The following ADGRG5 variants were observed in gnomAD, a reference collection of about 807,000 sequenced individuals.
ADGRG5 encodes the protein adhesion G protein-coupled receptor G5, also known as G protein-coupled receptor 114.
In ADGRG5, 37 loss-of-function variants were observed where a neutral mutation model predicts 53.2. That is an observed-to-expected ratio of 0.70 (90% confidence interval 0.53 to 0.91). The LOEUF is 0.91. Among genes scored for constraint, ADGRG5 ranks in the 40% least tolerant of loss-of-function variants. The pLI, the probability that ADGRG5 is intolerant of heterozygous loss-of-function variation, is 0.00. For missense variants in ADGRG5, 614 were observed against 675.8 expected (o/e 0.91, Z 1.01); for synonymous variants, 277 against 290.4 (o/e 0.95, Z 0.47).
intron 1 of ADGRG5, among the ~76,000 whole-genome samples, chr16:57,550,967 G>A (rs1231001594): frequency 6.6e-6 from 1 of 152,210 alleles, no homozygotes; most frequent in African/African-American, 2.4e-5. Context: ...GGTGGAGGCG[G>A]AGGTTGCAGT....
Position 57,568,140 on chromosome 16 carries a change from C to G in ADGRG5, c.1090+16C>G. 1.2e-6 allele frequency: 2 copies of G among 1,611,542 alleles called. No individual in the cohort carries two copies. Among genetic ancestry groups the G allele is most frequent in the Non-Finnish European group, 1.7e-6 (2 of 1,178,040 alleles). On this transcript the variant is annotated intron_variant, in intron 9 of 11. Transcript: ENST00000349457. Reference sequence around the variant, plus strand: ...CTAGGCTGGGGTAAGCACATCATCTCTCCTCGCCTCCTCAGACTTCCAGGT... The same window carrying G: ...CTAGGCTGGGGTAAGCACATCATCTGTCCTCGCCTCCTCAGACTTCCAGGT...
At chr16:57,568,204 TC>T in intron 9 of ADGRG5, 80 bp downstream of exon 9, 1 of 1,430,836 alleles carries the variant, frequency 7.0e-7, no homozygotes, top group Non-Finnish European at 9.7e-7. Context: ...TTCTTTCCCC[TC>T]CTCCTCATCG....
At chr16:57,534,068 T>C in the ADGRG5 span, among the ~76,000 whole-genome samples, 1 of 152,170 alleles carries the variant, frequency 6.6e-6, no homozygotes, top group Non-Finnish European at 1.5e-5. Flanking sequence ...TGGGTTTGTA[T>C]TCCAAATGCC....
At chr16:57,546,812 G>A (rs562527809) in intron 1 of ADGRG5, among the ~76,000 whole-genome samples, 24 of 152,074 alleles carry the variant, frequency 1.6e-4, no homozygotes, top group South Asian at 4.1e-4. Context: ...TCAACCTCCC[G>A]GGCTCAAGTG....
At position 57,561,948 on chromosome 16, in the gene ADGRG5, T is replaced by A. The variant is rs574203777; in HGVS notation, c.-38-108T>A. ...CTTCCTCATCTGTGAAATGCAGGAGTGGTGAGTCAAATAAGATGCTGCATG... is the reference window on the plus strand; with the variant it reads ...CTTCCTCATCTGTGAAATGCAGGAGAGGTGAGTCAAATAAGATGCTGCATG... On this transcript the variant is annotated intron_variant, in intron 1 of 11. Transcript: ENST00000349457. 12 of 536,778 alleles carry A rather than the reference T, an allele frequency of 2.2e-5. No individual in the cohort carries two copies. The East Asian group carries it at 3.0e-4, about 14-fold the overall frequency. 33.3% of individuals were successfully genotyped at this position (536,778 alleles called of 1,614,324 possible).
intron 10 of ADGRG5, among the ~76,000 whole-genome samples, chr16:57,570,773 C>A (rs539568326): frequency 1.3e-5 from 2 of 152,342 alleles, no homozygotes; most frequent in Admixed American, 6.5e-5. Context: ...AGCGTCTGCT[C>A]GCCAACCTGC....
At chr16:57,539,107 A>C (rs1487259203), upstream of ADGRG5, among the ~76,000 whole-genome samples, 1 of 152,242 alleles carries the variant, frequency 6.6e-6, no homozygotes, top group African/African-American at 2.4e-5. Context: ...AACAAAATGT[A>C]ATATGTATTA....
intron 10 of ADGRG5, among the ~76,000 whole-genome samples, chr16:57,572,865 G>A (rs1348263834): frequency 6.6e-6 from 1 of 152,174 alleles, no homozygotes; most frequent in Non-Finnish European, 1.5e-5. Flanking sequence ...TAATGTCCTG[G>A]GACCCTTGTG....
Position 57,575,751 on chromosome 16 carries a change from C to T in ADGRG5, c.*213C>T. 9.2e-6 allele frequency: 5 copies of T among 545,946 alleles called. No homozygotes were observed. Among genetic ancestry groups the T allele is most frequent in the Non-Finnish European group, 1.7e-5 (5 of 302,898 alleles). The allele number at this position is 545,946 out of a possible 1,614,324, so 33.8% of individuals were successfully genotyped here. The stretch of plus-strand genomic sequence containing the variant: ...CATTTTGCTCCGGGGCAGATCCAAC[C>T]TTACCTGGGGCAGCAAACTTTGTCC... On this transcript the variant is annotated 3_prime_UTR_variant, in exon 12 of 12. Coordinates refer to ENST00000349457, the MANE Select transcript of ADGRG5 (RefSeq NM_001304376.3).
In ADGRG5 at chr16:57,567,576, T is replaced by C. The variant is rs1187968974; in HGVS notation, c.806T>C (p.Leu269Pro). 1.9e-6 allele frequency: 3 copies of C among 1,610,916 alleles called. No homozygotes were observed. The highest frequency in any genetic ancestry group is 1.3e-5 in the African/African-American group (1 of 74,916). ...GTGGCCTCGCTGATCACAGTCCTGCTGCACTTCCATTTCAGGTATTCCGCT... is the reference window on the plus strand; with the variant it reads ...GTGGCCTCGCTGATCACAGTCCTGCCGCACTTCCATTTCAGGTATTCCGCT... ...SIVASLITVL[L>P]HFHFRKQSDS... The change falls in exon 8 of 12, where the codon CTG becomes CCG. Residue 269 changes from leucine to proline, a missense_variant. By Grantham distance (98) the Leu-to-Pro change is moderately conservative (BLOSUM62 -3). Coordinates refer to ENST00000349457, the MANE Select transcript of ADGRG5 (RefSeq NM_001304376.3).
the ADGRG5 span, among the ~76,000 whole-genome samples, chr16:57,530,173 G>T: frequency 6.6e-6 from 1 of 151,940 alleles, no homozygotes; most frequent in African/African-American, 2.4e-5. Context: ...TTCTCTGCCG[G>T]AACCACCCCT....
At position 57,574,946 on chromosome 16, in the gene ADGRG5, C is replaced by T. The variant is rs992178465; in HGVS notation, c.1340C>T (p.Ala447Val). Reference sequence around the variant, plus strand: ...CGCAGGCTGCGGGAGCGGGCGGATGCACCAAGTGTCAGGGCCTGCCATGAC... The same window carrying T: ...CGCAGGCTGCGGGAGCGGGCGGATGTACCAAGTGTCAGGGCCTGCCATGAC... The part of the protein sequence containing the change: ...TLRRLRERAD[A>V]PSVRACHDTV... The change falls in exon 11 of 12, where the codon GCA (alanine) becomes GTA (valine). Residue 447 changes from alanine to valine, a missense_variant. By Grantham distance (64) the Ala-to-Val change is moderately conservative. Coordinates refer to ENST00000349457, the MANE Select transcript of ADGRG5 (RefSeq NM_001304376.3). The surrounding 1 kb of genome is among the most constrained non-coding windows in gnomAD (Gnocchi z 4.4). 3.7e-6 allele frequency: 6 copies of T among 1,613,466 alleles called. No homozygotes were observed. The Admixed American group carries it at 6.7e-5, about 18-fold the overall frequency.
At chr16:57,533,503 C>T in the ADGRG5 span, among the ~76,000 whole-genome samples, 2 of 150,654 alleles carry the variant, frequency 1.3e-5, no homozygotes, top group South Asian at 2.1e-4. Context: ...CCCAGGGACC[C>T]GCACTCACAC....
chr16:57,575,387 C>T (rs372492324), intron 11 of ADGRG5, 51 bp from the exon 12 acceptor site: 1 of 1,543,298 alleles, frequency 6.5e-7, no homozygotes, highest in Non-Finnish European at 9.0e-7. Flanking sequence ...GAGACCCTGG[C>T]CTTTGGGGAA....
chr16:57,537,471 C>G, the ADGRG5 span, among the ~76,000 whole-genome samples: 1 of 152,192 alleles, frequency 6.6e-6, no homozygotes, highest in Non-Finnish European at 1.5e-5. Context: ...CAACCACGCA[C>G]GCCTTAAAAT....
chr16:57,563,101 C>T lies in ADGRG5; in HGVS notation c.151C>T (p.Gln51Ter). 6.2e-7 allele frequency: 1 copy of T among 1,614,182 alleles called. No individual in the cohort carries two copies. Among genetic ancestry groups the T allele is most frequent in the South Asian group, 1.1e-5 (1 of 91,092 alleles). Residue 51 changes from glutamine to a stop codon, truncating the protein, a stop_gained, in exon 4 of 12, where the codon CAG (glutamine) becomes TAG (stop). Coordinates refer to ENST00000349457, the MANE Select transcript of ADGRG5 (RefSeq NM_001304376.3). LOFTEE classifies it high-confidence loss of function. The stretch of plus-strand genomic sequence containing the variant: ...CTCTCTGGGCTGCAGTCAACTCCAC[C>T]AGCTGGAGCAGATGCTACTGAACAC... ...SSVFSSRQLH[Q>*]LEQMLLNTSF...
At chr16:57,562,749 G>C (rs2033033874) in intron 3 of ADGRG5, 3 of 550,934 alleles carry the variant, frequency 5.4e-6, no homozygotes, top group Non-Finnish European at 9.7e-6. Flanking sequence ...GGCTCTCCAG[G>C]GTCTATGACC....
intron 1 of ADGRG5, among the ~76,000 whole-genome samples, chr16:57,549,352 GA>G: frequency 1.3e-5 from 2 of 152,248 alleles, no homozygotes; most frequent in East Asian, 3.9e-4. Flanking sequence ...TCCAATGGTG[GA>G]AAAATGAGAA....
In ADGRG5 at chr16:57,576,624, C is replaced by T. The variant is rs2023249255; in HGVS notation, c.*1086C>T. The T allele has an allele frequency of 6.6e-6, 1 of 152,246 alleles. No homozygotes were observed. Among genetic ancestry groups the T allele is most frequent in the South Asian group, 2.1e-4 (1 of 4,830 alleles). 9.4% of individuals were successfully genotyped at this position (152,246 alleles called of 1,614,324 possible). A position where few individuals can be genotyped will look rare whatever the true frequency, so the allele number is the denominator to read the frequency against. On this transcript the variant is annotated 3_prime_UTR_variant, in exon 12 of 12. Coordinates refer to ENST00000349457, the MANE Select transcript of ADGRG5 (RefSeq NM_001304376.3). ...ACTGCATCTAGAATCGCTCAAACAC[C>T]TGTTTGCAGACCCCATGCACCAGCT...
Sources: allele counts gnomAD v4.1 joint callset (sites outside exome capture counted in the v4.1 genomes callset), GRCh38; gene constraint gnomAD v4.1.1; non-coding constraint Gnocchi (gnomAD v3.1); transcripts MANE v1.5; gene names NCBI Gene and HGNC (gene_info 2026-07-23, HGNC 2026-07-21).